Variants in TGM2 observed in about 807,000 individuals in gnomAD.
The protein encoded by TGM2 is protein-glutamine gamma-glutamyltransferase 2.
In TGM2, 53 loss-of-function variants were observed where a neutral mutation model predicts 75.6. The observed-to-expected ratio is 0.70, with a 90% CI of 0.56 to 0.88. The LOEUF is 0.88. Among genes scored for constraint, TGM2 ranks in the 40% least tolerant of loss-of-function variants. The probability of loss-of-function intolerance (pLI) is 0.00; values close to 1 mark genes in which losing one functional copy is unlikely to be tolerated. For synonymous variants in TGM2, 374 were observed against 381.1 expected, an observed-to-expected ratio of 0.98 and a Z score of 0.22; for missense variants, 842 against 928.5, an observed-to-expected ratio of 0.91 and a Z score of 1.21.
Position 38,138,201 on chromosome 20 carries a change from G to T in TGM2, c.1527C>A (p.Leu509=). The T allele has an allele frequency of 6.2e-7, 1 of 1,609,838 alleles. No individual in the cohort carries two copies. Among genetic ancestry groups the T allele is most frequent in the Non-Finnish European group, 8.5e-7 (1 of 1,178,108 alleles). Residue 509 remains leucine (L), a synonymous_variant, in exon 10 of 13, where the codon CTC becomes CTA. Transcript: ENST00000361475. ...CATTGTAGCTGACGGTGCGGGCACAGAGCAGGAGGCGGCAGACGTACTCCT... is the reference window on the plus strand; with the variant it reads ...CATTGTAGCTGACGGTGCGGGCACATAGCAGGAGGCGGCAGACGTACTCCT... ...TAEEYVCRLL[L]CARTVSYNGI...
At position 38,138,267 on chromosome 20, in the gene TGM2, A is replaced by G. The variant is rs1360217641; in HGVS notation, c.1461T>C (p.Ser487=). 2 of 1,613,992 alleles carry G rather than the reference A, an allele frequency of 1.2e-6. No individual in the cohort carries two copies. Among genetic ancestry groups the G allele is most frequent in the Non-Finnish European group, 8.5e-7 (1 of 1,179,996 alleles). ...IRVGQSMNMG[S]DFDVFAHITN... ...TGATGTGGGCAAAGACGTCAAAGTCACTGCCCATGTTCATGCTCTGGCCCA... is the reference window on the plus strand; with the variant it reads ...TGATGTGGGCAAAGACGTCAAAGTCGCTGCCCATGTTCATGCTCTGGCCCA... Residue 487 remains serine (S), a synonymous_variant, in exon 10 of 13, where the codon AGT becomes AGC. Coordinates refer to ENST00000361475, the MANE Select transcript of TGM2 (RefSeq NM_004613.4).
intron 11 of TGM2, 108 bp downstream of exon 11, chr20:38,132,231 AG>A (rs1298214445): frequency 2.3e-6 from 3 of 1,301,404 alleles, no homozygotes; most frequent in African/African-American, 2.9e-5. Context: ...AAGGCACCAA[AG>A]GTCTGGAGCT....
chr20:38,158,365 T>C (rs2075213217), intron 2 of TGM2, among the ~76,000 whole-genome samples: 1 of 152,108 alleles, frequency 6.6e-6, no homozygotes, highest in Non-Finnish European at 1.5e-5. Flanking sequence ...TTCTACACCA[T>C]CCTCTTTGTG....
intron 6 of TGM2, 55 bp downstream of exon 6, chr20:38,146,662 T>C (rs748482029): frequency 6.2e-7 from 1 of 1,602,850 alleles, no homozygotes; most frequent in Admixed American, 1.7e-5. Flanking sequence ...CCTACTCCAG[T>C]GCTCTTCGTG....
In TGM2 at chr20:38,148,432, G is replaced by C. The variant is rs551853719; in HGVS notation, c.553-343C>G. Among the ~76,000 whole-genome samples the C allele has an allele frequency of 1.7e-4, 26 of 152,282 alleles. No homozygotes were observed. In the East Asian group the frequency reaches 4.3e-3, roughly 25 times the overall value. On this transcript the variant is annotated intron_variant, in intron 4 of 12. Coordinates refer to ENST00000361475, the MANE Select transcript of TGM2 (RefSeq NM_004613.4). ...CAGAGTCACCTTGGGCCCTGTCACT[G>C]TCCCTTTCTCCTCTTGCTCAGCCAA...
chr20:38,165,313 C>T (rs990915166), upstream of TGM2: 2 of 1,519,678 alleles, frequency 1.3e-6, no homozygotes, highest in Non-Finnish European at 1.8e-6. Flanking sequence ...CGCTTTGGGG[C>T]GGGCCGGGGG....
At chr20:38,158,983 T>A (rs1245793461) in intron 2 of TGM2, among the ~76,000 whole-genome samples, 1 of 152,180 alleles carries the variant, frequency 6.6e-6, no homozygotes, top group Non-Finnish European at 1.5e-5. Context: ...TACTCAGAGA[T>A]CTGGGCTCTT....
intron 10 of TGM2, chr20:38,133,701 T>C (rs1468568142): frequency 1.3e-5 from 2 of 152,232 alleles, no homozygotes; most frequent in Non-Finnish European, 2.9e-5. Context: ...GGCAGGAGGA[T>C]TGCTTGAGCC....
At chr20:38,166,390 G>A (rs1319210149), upstream of TGM2, 2 of 152,036 alleles carry the variant, frequency 1.3e-5, no homozygotes, top group Non-Finnish European at 2.9e-5. Flanking sequence ...TGCCAGAAAG[G>A]AGCAAGACTA....
At position 38,146,774 on chromosome 20, in the gene TGM2, C is replaced by T. The variant is rs778211918; in HGVS notation, c.802G>A (p.Gly268Ser). Reference sequence around the variant, plus strand: ...TGGCCATACTTGACGCGCTGGCAGCCGTGGTTCTTCCAGCGCCGCAGGATG... The same window carrying T: ...TGGCCATACTTGACGCGCTGGCAGCTGTGGTTCTTCCAGCGCCGCAGGATG... ...VDILRRWKNH[G>S]CQRVKYGQCW... Residue 268 changes from glycine (G) to serine (S), a missense_variant, in exon 6 of 13, where the codon GGC (glycine) becomes AGC (serine). Physicochemically the swap from Gly to Ser is moderately conservative, Grantham distance 56 (BLOSUM62 0). Transcript: ENST00000361475. 2.3e-5 allele frequency: 37 copies of T among 1,613,884 alleles called. 1 individual carries two copies. The highest frequency in any genetic ancestry group is 2.2e-4 in the East Asian group (10 of 44,874).
chr20:38,131,349 A>AC (rs111895659), intron 11 of TGM2, 120 bp from the exon 12 acceptor site: 203,270 of 1,312,808 alleles, frequency 0.15, 18,669 homozygotes, highest in African/African-American at 0.37. Flanking sequence ...TGCCACGATC[A>AC]CCCCCCCTCC....
intron 10 of TGM2, chr20:38,133,507 T>C (rs111961916): frequency 6.5e-6 from 1 of 152,804 alleles, no homozygotes; most frequent in African/African-American, 2.4e-5. Context: ...TAGCCCCATG[T>C]TTCTGAAAAG....
At chr20:38,149,687 A>AAAAAAAAAAAAAAAAAAAAC (rs2075092814) in intron 4 of TGM2, among the ~76,000 whole-genome samples, 1 of 150,304 alleles carries the variant, frequency 6.7e-6, no homozygotes, top group African/African-American at 2.5e-5. Flanking sequence ...TCAAAAAAAA[A>AAAAAAAAAAAAAAAAAAAAC]AAAAAAAAAA....
rs557575446 is a variant in TGM2 at position 38,128,560 on chromosome 20, G to A, written c.*1659C>T. ...TGGAACCCAAGGCTTTTATAAAACC[G>A]TAGAGAAATAGAGCTCTATGTATAG... On this transcript the variant is annotated 3_prime_UTR_variant, in exon 13 of 13. Coordinates refer to ENST00000361475, the MANE Select transcript of TGM2 (RefSeq NM_004613.4). 7.2e-5 allele frequency: 11 copies of A among 152,342 alleles called. No homozygotes were observed. The highest frequency in any genetic ancestry group is 1.3e-4 in the Admixed American group (2 of 15,304). 9.4% of individuals were successfully genotyped at this position (152,342 alleles called of 1,614,324 possible).
upstream of TGM2, chr20:38,165,287 G>T: frequency 1.3e-6 from 2 of 1,597,146 alleles, no homozygotes; most frequent in East Asian, 2.2e-5. Context: ...GCGGAGAGCG[G>T]CGCTAACTTA....
chr20:38,130,094 C>A lies in TGM2; in HGVS notation c.*125G>T, dbSNP rs1387046936. On this transcript the variant is annotated 3_prime_UTR_variant, in exon 13 of 13. Transcript: ENST00000361475. ...CAGGGGCACATTCCATTTCCGAGAG[C>A]CCCCATAGGCTGCCCACCCTGCCCT... 4.6e-6 allele frequency: 6 copies of A among 1,313,180 alleles called. No individual in the cohort carries two copies. Among genetic ancestry groups the A allele is most frequent in the Non-Finnish European group, 4.2e-6 (4 of 951,284 alleles). 81.3% of individuals were successfully genotyped at this position (1,313,180 alleles called of 1,614,324 possible). A position where few individuals can be genotyped will look rare whatever the true frequency, so the allele number is the denominator to read the frequency against.
chr20:38,150,675 A>G (rs2122928478), intron 4 of TGM2, among the ~76,000 whole-genome samples: 1 of 152,300 alleles, frequency 6.6e-6, no homozygotes, highest in Middle Eastern at 3.4e-3. Flanking sequence ...CTCCCAGGAT[A>G]CCAACCAGCT....
At chr20:38,137,884 C>T (rs2074919313) in intron 10 of TGM2, 3 of 969,190 alleles carry the variant, frequency 3.1e-6, no homozygotes, top group Non-Finnish European at 4.4e-6. Context: ...CTCTCTGTGC[C>T]TCAGTCTACT....
intron 10 of TGM2, chr20:38,132,718 T>C (rs1175294927): frequency 2.9e-6 from 2 of 680,340 alleles, no homozygotes; most frequent in African/African-American, 3.5e-5. Context: ...GCACTTGGAC[T>C]CCCACGGGCC....
Sources: allele counts gnomAD v4.1 joint callset (sites outside exome capture counted in the v4.1 genomes callset), GRCh38; gene constraint gnomAD v4.1.1; transcripts MANE v1.5; gene names NCBI Gene and HGNC (gene_info 2026-07-23, HGNC 2026-07-21).